ST6GALNAC3: variants seen among roughly 807,000 people sequenced by gnomAD.
The protein encoded by ST6GALNAC3 is alpha-N-acetylgalactosaminide alpha-2,6-sialyltransferase 3.
Under a neutral mutation model 32.7 loss-of-function variants are expected in ST6GALNAC3, and 25 were observed. The observed-to-expected ratio is 0.76, with a 90% CI of 0.56 to 1.07. The LOEUF (loss-of-function observed/expected upper bound fraction) is 1.07, where lower values mean the gene tolerates loss of function less well. ST6GALNAC3 is among the 50% of genes least tolerant of loss of function. ST6GALNAC3 has a pLI of 0.00. For synonymous variants in ST6GALNAC3, 129 were observed against 133.1 expected, an observed-to-expected ratio of 0.97 and a Z score of 0.21; for missense variants, 355 against 382.4, an observed-to-expected ratio of 0.93 and a Z score of 0.60.
chr1:76,492,608 A>G (rs1660569639), intron 3 of ST6GALNAC3, among the ~76,000 whole-genome samples: 1 of 152,158 alleles, frequency 6.6e-6, no homozygotes, highest in Non-Finnish European at 1.5e-5. Context: ...ATGTTGTAAC[A>G]TCACAGTAGT....
In ST6GALNAC3 at chr1:76,320,840, A is replaced by G. The variant is rs376477902; in HGVS notation, c.213+6841A>G. ...ATGCATGCAGCATATACATGCATAC[A>G]TGTTCACAGATCAAGTTCTAGCCAC... On this transcript the variant is annotated intron_variant, in intron 2 of 4. Transcript: ENST00000328299. 1.4e-4 allele frequency among the ~76,000 whole-genome samples: 21 copies of G among 152,130 alleles called. No individual in the cohort carries two copies. In the East Asian group the frequency reaches 2.1e-3, roughly 15 times the overall value.
At chr1:76,220,772 G>A (rs534351318) in intron 1 of ST6GALNAC3, among the ~76,000 whole-genome samples, 64 of 152,316 alleles carry the variant, frequency 4.2e-4, no homozygotes, top group African/African-American at 1.4e-3. Context: ...GGAGTGGGCA[G>A]CCAGCCATGG....
In ST6GALNAC3 at chr1:76,629,030, A is replaced by T. The variant is rs777416954; in HGVS notation, c.*224A>T. On this transcript the variant is annotated 3_prime_UTR_variant, in exon 5 of 5. Transcript: ENST00000328299. ...ATGTTCTTTCTGGAGGTTCAACACT[A>T]CGTACCGCACTTTATAATTTAACTG... is the stretch of plus-strand genomic sequence containing the variant. The T allele has an allele frequency of 1.9e-5, 25 of 1,303,742 alleles. No homozygotes were observed. Among genetic ancestry groups the T allele is most frequent in the Non-Finnish European group, 2.3e-5 (24 of 1,029,616 alleles). 80.8% of individuals were successfully genotyped at this position (1,303,742 alleles called of 1,614,324 possible).
At chr1:76,223,988 T>C (rs1035448372) in intron 1 of ST6GALNAC3, among the ~76,000 whole-genome samples, 2 of 152,178 alleles carry the variant, frequency 1.3e-5, no homozygotes, top group African/African-American at 4.8e-5. Flanking sequence ...TGATCAGATT[T>C]AGAATATCCT....
At chr1:76,571,370 T>C (rs926061538) in intron 3 of ST6GALNAC3, among the ~76,000 whole-genome samples, 1 of 152,086 alleles carries the variant, frequency 6.6e-6, no homozygotes, top group African/African-American at 2.4e-5. Context: ...TACCTCTGTA[T>C]CCACCTACTT....
At chr1:76,362,664 A>G (rs552382927) in intron 2 of ST6GALNAC3, among the ~76,000 whole-genome samples, 14 of 152,240 alleles carry the variant, frequency 9.2e-5, no homozygotes, top group Non-Finnish European at 1.9e-4. Context: ...ACAAAGGGCT[A>G]CAGGCCCCAG....
intron 3 of ST6GALNAC3, among the ~76,000 whole-genome samples, chr1:76,429,531 G>T (rs1655611043): frequency 6.6e-6 from 1 of 152,050 alleles, no homozygotes; most frequent in Admixed American, 6.6e-5. Flanking sequence ...TAATCATCCA[G>T]ACTTTTATTT....
In ST6GALNAC3 at chr1:76,559,740, A is replaced by G. The variant is rs77340012; in HGVS notation, c.624-67712A>G. Among the ~76,000 whole-genome samples the G allele has an allele frequency of 9.1e-3, 1,386 of 152,284 alleles. 16 individuals carry two copies. The highest frequency in any genetic ancestry group is 0.027 in the African/African-American group (1,132 of 41,552). On this transcript the variant is annotated intron_variant, in intron 3 of 4. Coordinates refer to ENST00000328299, the MANE Select transcript of ST6GALNAC3 (RefSeq NM_152996.4). ...GTACACAGTACGTGGTTTTAACTTC[A>G]TATCAATGCAAGAGGCACTGAAGAG...
At chr1:76,422,603 A>G (rs866957316) in intron 3 of ST6GALNAC3, among the ~76,000 whole-genome samples, 11 of 151,980 alleles carry the variant, frequency 7.2e-5, no homozygotes, top group Admixed American at 4.6e-4. Context: ...TAAAACACAG[A>G]TTGCTGGGCT....
chr1:76,324,468 G>A (rs1230635218), intron 2 of ST6GALNAC3, among the ~76,000 whole-genome samples: 1 of 152,114 alleles, frequency 6.6e-6, no homozygotes, highest in Non-Finnish European at 1.5e-5. Flanking sequence ...TGATGAAACC[G>A]ACACTTTACC....
chr1:76,237,762 C>T (rs1335041775), intron 1 of ST6GALNAC3, among the ~76,000 whole-genome samples: 2 of 152,084 alleles, frequency 1.3e-5, no homozygotes, highest in African/African-American at 2.4e-5. Flanking sequence ...GAGATGGAAA[C>T]GCTGGTTTCA....
At chr1:76,395,582 C>G (rs986948988) in intron 2 of ST6GALNAC3, among the ~76,000 whole-genome samples, 1 of 151,966 alleles carries the variant, frequency 6.6e-6, no homozygotes, top group African/African-American at 2.4e-5. Context: ...ACGTTACACA[C>G]ACACACAGAC....
intron 1 of ST6GALNAC3, among the ~76,000 whole-genome samples, chr1:76,112,450 C>T (rs1245220656): frequency 2.7e-5 from 4 of 148,710 alleles, no homozygotes; most frequent in East Asian, 2.1e-4. Flanking sequence ...CCGGACGGGG[C>T]GGCTGGCCGG....
intron 1 of ST6GALNAC3, among the ~76,000 whole-genome samples, chr1:76,208,021 G>C (rs1024993459): frequency 2.0e-5 from 3 of 146,576 alleles, no homozygotes; most frequent in South Asian, 2.3e-4. Flanking sequence ...AGCCATCTCT[G>C]GCTGTTCCCA....
chr1:76,082,465 C>T (rs994681669), intron 1 of ST6GALNAC3, among the ~76,000 whole-genome samples: 2 of 152,168 alleles, frequency 1.3e-5, no homozygotes, highest in Non-Finnish European at 2.9e-5. Flanking sequence ...GTTAATTTCT[C>T]TCCTTGTTAG....
intron 2 of ST6GALNAC3, among the ~76,000 whole-genome samples, chr1:76,332,452 T>C (rs1647205572): frequency 6.6e-6 from 1 of 152,196 alleles, no homozygotes. Flanking sequence ...AGTGTTCAGA[T>C]TGAGATAAGG....
intron 1 of ST6GALNAC3, among the ~76,000 whole-genome samples, chr1:76,252,167 A>G (rs1036081802): frequency 6.6e-6 from 1 of 152,176 alleles, no homozygotes; most frequent in Admixed American, 6.5e-5. Context: ...GGAGTGGCTC[A>G]TCTGACCCTG....
rs1027813696 is a variant in ST6GALNAC3, at chr1:76,627,618, C to T, written c.731+59C>T. 2.0e-5 allele frequency: 24 copies of T among 1,217,264 alleles called. No homozygotes were observed. In the African/African-American group the frequency reaches 3.3e-4, roughly 17 times the overall value. 75.4% of individuals were successfully genotyped at this position (1,217,264 alleles called of 1,614,324 possible). A position where few individuals can be genotyped will look rare whatever the true frequency, so the allele number is the denominator to read the frequency against. On this transcript the variant is annotated intron_variant, in intron 4 of 4. Coordinates refer to ENST00000328299, the MANE Select transcript of ST6GALNAC3 (RefSeq NM_152996.4). The stretch of plus-strand genomic sequence containing the variant: ...CAATTCGGAGATCTTGTCAAAATAT[C>T]ACAATTCATTTTAATACCATAAATC...
intron 1 of ST6GALNAC3, among the ~76,000 whole-genome samples, chr1:76,077,258 CTTT>C (rs58714013): frequency 6.9e-6 from 1 of 145,726 alleles, no homozygotes; most frequent in African/African-American, 2.5e-5. Flanking sequence ...AAACTATGGA[CTTT>C]TTTTTTTTTA....
Sources: allele counts gnomAD v4.1 joint callset (sites outside exome capture counted in the v4.1 genomes callset), GRCh38; gene constraint gnomAD v4.1.1; transcripts MANE v1.5; gene names NCBI Gene and HGNC (gene_info 2026-07-23, HGNC 2026-07-21).